Variants in DUSP10 observed in about 807,000 individuals in gnomAD.
DUSP10 encodes dual specificity protein phosphatase 10.
DUSP10 carries 14 observed loss-of-function variants against 30.8 expected under a neutral mutation model. The observed-to-expected ratio is 0.46, with a 90% CI of 0.30 to 0.71. The LOEUF (loss-of-function observed/expected upper bound fraction) is 0.71. Among genes scored for constraint, DUSP10 ranks in the 30% least tolerant of loss-of-function variants. DUSP10 has a pLI of 0.08. For missense variants in DUSP10, 550 were observed against 619.4 expected (o/e 0.89, Z 1.19); for synonymous variants, 254 against 250.4 (o/e 1.01, Z -0.14).
chr1:221,717,015 G>A (rs1051067311), intron 2 of DUSP10, among the ~76,000 whole-genome samples: 1 of 152,166 alleles, frequency 6.6e-6, no homozygotes. Context: ...CACTCCATCA[G>A]GAGGAAACAT....
chr1:221,709,883 C>T (rs908858), intron 2 of DUSP10, among the ~76,000 whole-genome samples: 87,381 of 151,928 alleles, frequency 0.58, 25,278 homozygotes, highest in South Asian at 0.66. Flanking sequence ...ATGAGGAACC[C>T]TGATGATGTT....
At chr1:221,740,836 C>A (rs1661932393) in intron 1 of DUSP10, among the ~76,000 whole-genome samples, 1 of 152,216 alleles carries the variant, frequency 6.6e-6, no homozygotes, top group South Asian at 2.1e-4. Flanking sequence ...TTCAGAGTGT[C>A]TGCAAAAAGA....
At chr1:221,731,392 T>A (rs1291332938) in intron 2 of DUSP10, among the ~76,000 whole-genome samples, 2 of 151,646 alleles carry the variant, frequency 1.3e-5, no homozygotes, top group East Asian at 3.9e-4. Flanking sequence ...CTTATTCCTA[T>A]CATCAACATG....
At position 221,702,178 on chromosome 1, in the gene DUSP10, A is replaced by C. The variant is rs1039322848; in HGVS notation, c.*234T>G. 22 of 505,952 alleles carry C rather than the reference A, an allele frequency of 4.3e-5. No individual in the cohort carries two copies. Among genetic ancestry groups the C allele is most frequent in the Non-Finnish European group, 7.7e-5 (22 of 287,486 alleles). 31.3% of individuals were successfully genotyped at this position (505,952 alleles called of 1,614,324 possible). ...TTATATTTTTATTGTTGGCTTAAAA[A>C]AATTACTTCTTTAACCTCCTTAATT... On this transcript the variant is annotated 3_prime_UTR_variant, in exon 4 of 4. Transcript: ENST00000366899. The surrounding 1 kb of genome is among the most constrained non-coding windows in gnomAD (Gnocchi z 4.5).
Position 221,706,225 on chromosome 1 carries a change from G to A in DUSP10, c.1053C>T (p.Val351=). 1 of 1,614,186 alleles carries A rather than the reference G, an allele frequency of 6.2e-7. No homozygotes were observed. The highest frequency in any genetic ancestry group is 2.2e-5 in the East Asian group (1 of 44,876). Residue 351 remains valine (V), a synonymous_variant, in exon 3 of 4, where the codon GTC becomes GTT. Transcript: ENST00000366899. This position sits in a 1 kb window ranked among gnomAD's most constrained non-coding sequence, Gnocchi z 4.6. ...DTMQRLNIGY[V]INVTTHLPLY... is the part of the protein sequence containing the mutation. ...GGGGAAGATGAGTGGTGACGTTGAT[G>A]ACGTAGCCGATGTTCAGCCGCTGCA...
In DUSP10 at chr1:221,711,260, T is replaced by A. The variant is rs544615190; in HGVS notation, c.812-4794A>T. Among the ~76,000 whole-genome samples, 7 of 152,340 alleles carry A rather than the reference T, an allele frequency of 4.6e-5. No homozygotes were observed. The South Asian group carries it at 1.4e-3, about 32-fold the overall frequency. ...CCTCTGTAATGTGATTCAGAAGCAA[T>A]GCGCTGGGTTGTGAGTTAAAGAAAC... is the stretch of plus-strand genomic sequence containing the variant. On this transcript the variant is annotated intron_variant, in intron 2 of 3. Coordinates refer to ENST00000366899, the MANE Select transcript of DUSP10 (RefSeq NM_007207.6).
At chr1:221,710,136 G>A (rs1336166886) in intron 2 of DUSP10, among the ~76,000 whole-genome samples, 2 of 152,190 alleles carry the variant, frequency 1.3e-5, no homozygotes, top group Non-Finnish European at 2.9e-5. Flanking sequence ...GGAAGCCTAT[G>A]TAAAGGTTTT....
At chr1:221,731,022 G>A (rs1237833495) in intron 2 of DUSP10, among the ~76,000 whole-genome samples, 1 of 152,034 alleles carries the variant, frequency 6.6e-6, no homozygotes, top group Admixed American at 6.5e-5. Context: ...CTTTTATAAT[G>A]AAATTCAGGC....
chr1:221,705,270 T>C (rs1481772178), intron 3 of DUSP10, among the ~76,000 whole-genome samples: 1 of 151,980 alleles, frequency 6.6e-6, no homozygotes, highest in Non-Finnish European at 1.5e-5. Context: ...CCACCACGCC[T>C]GGCTAATTTT....
chr1:221,708,119 G>C (rs995224274), intron 2 of DUSP10, among the ~76,000 whole-genome samples: 4 of 152,234 alleles, frequency 2.6e-5, no homozygotes, highest in Non-Finnish European at 4.4e-5. Flanking sequence ...AAGTGGAAAA[G>C]TCCTATTAGC....
At chr1:221,714,166 C>T (rs957723164) in intron 2 of DUSP10, among the ~76,000 whole-genome samples, 1 of 152,114 alleles carries the variant, frequency 6.6e-6, no homozygotes, top group African/African-American at 2.4e-5. Context: ...ATATAGAATA[C>T]TGAGGCTTAC....
chr1:221,741,586 G>A (rs1661956020), intron 1 of DUSP10, among the ~76,000 whole-genome samples: 1 of 152,090 alleles, frequency 6.6e-6, no homozygotes, highest in Admixed American at 6.5e-5. Flanking sequence ...AAAATTAAGT[G>A]GTTAGAGAAT....
rs1035728651 is a variant in DUSP10 at position 221,701,648 on chromosome 1, T to C, written c.*764A>G. ...AGTATTTGATATATTGTTGAATTCC[T>C]TTCTATCTCCAAGCTGGCAAATTTG... On this transcript the variant is annotated 3_prime_UTR_variant, in exon 4 of 4. Transcript: ENST00000366899. 8 of 152,140 alleles carry C rather than the reference T, an allele frequency of 5.3e-5. No homozygotes were observed. Among genetic ancestry groups the C allele is most frequent in the African/African-American group, 1.9e-4 (8 of 41,302 alleles). 9.4% of individuals were successfully genotyped at this position (152,140 alleles called of 1,614,324 possible).
intron 2 of DUSP10, among the ~76,000 whole-genome samples, chr1:221,725,005 T>C (rs1437265615): frequency 6.6e-6 from 1 of 152,088 alleles, no homozygotes; most frequent in African/African-American, 2.4e-5. Flanking sequence ...CCAAAAGCAG[T>C]GCGCAGATAC....
chr1:221,740,039 AC>A (rs1197976096), intron 1 of DUSP10, among the ~76,000 whole-genome samples: 3 of 152,176 alleles, frequency 2.0e-5, no homozygotes, highest in Non-Finnish European at 4.4e-5. Flanking sequence ...TTAATGAACA[AC>A]CTTTCCTGGA....
chr1:221,721,319 GA>G (rs952473396), intron 2 of DUSP10, among the ~76,000 whole-genome samples: 2 of 152,090 alleles, frequency 1.3e-5, no homozygotes, highest in African/African-American at 4.8e-5. Context: ...AGATTTGATT[GA>G]AAAAAATAGT....
At chr1:221,716,745 C>G (rs1661118537) in intron 2 of DUSP10, among the ~76,000 whole-genome samples, 1 of 152,204 alleles carries the variant, frequency 6.6e-6, no homozygotes, top group Non-Finnish European at 1.5e-5. Flanking sequence ...CCCCATGTTC[C>G]TGAAAACTTG....
intron 2 of DUSP10, among the ~76,000 whole-genome samples, chr1:221,728,957 G>A (rs868447276): frequency 1.3e-5 from 2 of 152,158 alleles, no homozygotes; most frequent in Admixed American, 1.3e-4. Context: ...AAAGCAAACT[G>A]AGCAGAAGTA....
intron 2 of DUSP10, among the ~76,000 whole-genome samples, chr1:221,731,902 CGGCT>C (rs1661614595): frequency 6.6e-6 from 1 of 151,666 alleles, no homozygotes; most frequent in Non-Finnish European, 1.5e-5. Context: ...CCACCACACC[CGGCT>C]GGCTATTTCT....
Sources: allele counts gnomAD v4.1 joint callset (sites outside exome capture counted in the v4.1 genomes callset), GRCh38; gene constraint gnomAD v4.1.1; non-coding constraint Gnocchi (gnomAD v3.1); transcripts MANE v1.5; gene names NCBI Gene and HGNC (gene_info 2026-07-23, HGNC 2026-07-21).